Variants in TCEA3 observed in about 807,000 individuals in gnomAD.
The protein encoded by TCEA3 is transcription elongation factor A3.
A neutral mutation model predicts 44.0 loss-of-function variants in TCEA3; 36 were observed. That is an observed-to-expected ratio of 0.82 (90% confidence interval 0.63 to 1.08). The LOEUF is 1.08. Among genes scored for constraint, TCEA3 ranks in the 50% least tolerant of loss-of-function variants. TCEA3 has a pLI of 0.00. For synonymous variants in TCEA3, 162 were observed against 159.7 expected (o/e 1.01, Z -0.11); for missense variants, 392 against 441.2 (o/e 0.89, Z 1.00).
intron 5 of TCEA3, among the ~76,000 whole-genome samples, chr1:23,399,136 G>GTGTGTGTA (rs1553167272): frequency 6.8e-5 from 4 of 58,686 alleles, no homozygotes; most frequent in African/African-American, 1.1e-4. Context: ...TTATATATAT[G>GTGTGTGTA]TATATATGTA....
At chr1:23,386,215 T>C (rs1274981117) in intron 9 of TCEA3, among the ~76,000 whole-genome samples, 2 of 152,204 alleles carry the variant, frequency 1.3e-5, no homozygotes, top group African/African-American at 2.4e-5. Flanking sequence ...AGGTTTTCTT[T>C]GTTTTGTTGA....
chr1:23,412,692 G>C (rs541161513), intron 4 of TCEA3, among the ~76,000 whole-genome samples: 1 of 151,284 alleles, frequency 6.6e-6, no homozygotes, highest in East Asian at 2.0e-4. Context: ...TGGGCAACAA[G>C]AGTGAAACTC....
intron 1 of TCEA3, among the ~76,000 whole-genome samples, chr1:23,420,705 G>A (rs1334795173): frequency 1.3e-5 from 2 of 152,186 alleles, no homozygotes; most frequent in South Asian, 2.1e-4. Flanking sequence ...TAATCTCTGA[G>A]AACTTAGGGC....
At chr1:23,423,688 C>T (rs1387651627) in intron 1 of TCEA3, among the ~76,000 whole-genome samples, 1 of 152,190 alleles carries the variant, frequency 6.6e-6, no homozygotes, top group Non-Finnish European at 1.5e-5. Flanking sequence ...TTTTTTCCCT[C>T]CCAGGGTGAG....
chr1:23,399,264 G>A (rs1407639624), intron 5 of TCEA3, among the ~76,000 whole-genome samples: 2 of 150,208 alleles, frequency 1.3e-5, no homozygotes, highest in African/African-American at 2.4e-5. Context: ...TTCACTAGCA[G>A]AAATTTATTT....
At chr1:23,384,867 G>A (rs1454795527) in intron 9 of TCEA3, among the ~76,000 whole-genome samples, 3 of 151,844 alleles carry the variant, frequency 2.0e-5, no homozygotes, top group African/African-American at 7.3e-5. Flanking sequence ...CACTCTTGTT[G>A]ATCTTTTGTA....
intron 4 of TCEA3, among the ~76,000 whole-genome samples, chr1:23,412,773 G>A (rs1355869984): frequency 6.6e-6 from 1 of 152,176 alleles, no homozygotes; most frequent in Non-Finnish European, 1.5e-5. Flanking sequence ...GTTAAACCAG[G>A]CCTGGGAGAG....
chr1:23,399,286 G>A (rs573547967), intron 5 of TCEA3, among the ~76,000 whole-genome samples: 24 of 151,416 alleles, frequency 1.6e-4, no homozygotes, highest in Admixed American at 1.6e-3. Context: ...TCATGGTTCT[G>A]GAGGCTGGGA....
At chr1:23,381,779 A>G (rs1638677799) in intron 10 of TCEA3, among the ~76,000 whole-genome samples, 1 of 152,228 alleles carries the variant, frequency 6.6e-6, no homozygotes, top group East Asian at 1.9e-4. Flanking sequence ...ACTTGGTTAG[A>G]CTTTTGGTCT....
At chr1:23,415,695 C>T (rs1037972614) in intron 4 of TCEA3, among the ~76,000 whole-genome samples, 1 of 152,198 alleles carries the variant, frequency 6.6e-6, no homozygotes, top group South Asian at 2.1e-4. Context: ...AGGGATTCCC[C>T]GAGCCAAACT....
Position 23,423,390 on chromosome 1 carries a change from C to T in TCEA3, c.69+1175G>A, listed in dbSNP as rs140560104. Among the ~76,000 whole-genome samples, 292 of 152,312 alleles carry T rather than the reference C, an allele frequency of 1.9e-3. 2 individuals are homozygous for T. Among genetic ancestry groups the T allele is most frequent in the African/African-American group, 6.6e-3 (273 of 41,554 alleles). On this transcript the variant is annotated intron_variant, in intron 1 of 10. Transcript: ENST00000450454. ...TCTCCAGAGGCAGATAATCTCATCTCTTTCTTACAGATGAAGAAACTGAGG... is the reference window on the plus strand; with the variant it reads ...TCTCCAGAGGCAGATAATCTCATCTTTTTCTTACAGATGAAGAAACTGAGG...
intron 5 of TCEA3, among the ~76,000 whole-genome samples, chr1:23,405,145 G>A (rs561582067): frequency 9.9e-5 from 15 of 152,254 alleles, no homozygotes; most frequent in South Asian, 2.1e-4. Context: ...TAGTCACCCC[G>A]TGTATGCATG....
At chr1:23,382,881 A>C (rs1002762224) in intron 10 of TCEA3, among the ~76,000 whole-genome samples, 1 of 149,246 alleles carries the variant, frequency 6.7e-6, no homozygotes, top group Non-Finnish European at 1.5e-5. Context: ...CTAAGTGCTC[A>C]ATAAGTGAAA....
chr1:23,413,165 T>C (rs6424155), intron 4 of TCEA3, among the ~76,000 whole-genome samples: 9,378 of 152,076 alleles, frequency 0.062, 578 homozygotes, highest in South Asian at 0.24. Flanking sequence ...TTAGACTGAG[T>C]CTCACTCCTC....
At chr1:23,383,626 C>A (rs1389507696) in intron 10 of TCEA3, 4 of 985,442 alleles carry the variant, frequency 4.1e-6, no homozygotes, top group Non-Finnish European at 4.8e-6. Context: ...TGCTAAGTAC[C>A]TTAGAACTTT....
chr1:23,383,945 T>G, intron 10 of TCEA3: 1 of 1,038,494 alleles, frequency 9.6e-7, no homozygotes, highest in Non-Finnish European at 1.2e-6. Context: ...CCTTCCTGTT[T>G]CCCATCCTTG....
intron 8 of TCEA3, among the ~76,000 whole-genome samples, chr1:23,392,373 C>CCA (rs1639058058): frequency 6.6e-6 from 1 of 150,978 alleles, no homozygotes; most frequent in African/African-American, 2.4e-5. Context: ...CACACACACT[C>CCA]CACACATCAT....
intron 4 of TCEA3, among the ~76,000 whole-genome samples, chr1:23,414,986 G>T (rs1382426624): frequency 6.8e-6 from 1 of 146,920 alleles, no homozygotes; most frequent in Non-Finnish European, 1.5e-5. Flanking sequence ...TTCTCATACA[G>T]GCCTTTAAAA....
chr1:23,420,795 G>T (rs376598416), intron 1 of TCEA3, among the ~76,000 whole-genome samples: 85 of 152,298 alleles, frequency 5.6e-4, no homozygotes, highest in African/African-American at 2.0e-3. Flanking sequence ...GCAGAAAAAG[G>T]CTTAGGTTTG....
Sources: gnomAD v4.1 joint callset for allele counts (sites outside exome capture counted in the v4.1 genomes callset) on GRCh38, gnomAD v4.1.1 for gene constraint, MANE v1.5 for transcripts, NCBI Gene and HGNC (gene_info 2026-07-23, HGNC 2026-07-21) for gene names.